Variants in FGF14 observed in about 807,000 individuals in gnomAD.
FGF14 encodes fibroblast growth factor 14.
FGF14 carries 5 observed loss-of-function variants against 25.5 expected under a neutral mutation model. That is an observed-to-expected ratio of 0.20 (90% CI 0.10 to 0.41). The LOEUF (loss-of-function observed/expected upper bound fraction) is 0.41. Among genes scored for constraint, FGF14 ranks in the 10% least tolerant of loss-of-function variants. The probability of loss-of-function intolerance (pLI) is 1.00; values close to 1 mark genes in which losing one functional copy is unlikely to be tolerated. For missense variants in FGF14, 222 were observed against 320.1 expected (o/e 0.69, Z 2.34); for synonymous variants, 138 against 118.3 (o/e 1.17, Z -1.08).
At chr13:102,096,127 A>T (rs533123080) in intron 1 of FGF14, among the ~76,000 whole-genome samples, 1 of 152,064 alleles carries the variant, frequency 6.6e-6, no homozygotes, top group Admixed American at 6.6e-5. Context: ...AAAAGTTATT[A>T]GGTTAAAATA....
At chr13:101,999,557 G>T (rs1037400432) in intron 1 of FGF14, among the ~76,000 whole-genome samples, 1 of 152,026 alleles carries the variant, frequency 6.6e-6, no homozygotes, top group Non-Finnish European at 1.5e-5. Context: ...TTCGGAAATG[G>T]GACAATTACT....
chr13:102,306,698 A>T (rs1364418407), intron 1 of FGF14, among the ~76,000 whole-genome samples: 1 of 152,198 alleles, frequency 6.6e-6, no homozygotes, highest in Admixed American at 6.5e-5. Context: ...AAGAATGAAG[A>T]AAGAAATTAG....
chr13:101,973,358 T>C (rs543563268), intron 1 of FGF14, among the ~76,000 whole-genome samples: 20 of 152,312 alleles, frequency 1.3e-4, no homozygotes, highest in African/African-American at 4.8e-4. Flanking sequence ...TATGAAATAA[T>C]GCAGGTTGGC....
intron 1 of FGF14, among the ~76,000 whole-genome samples, chr13:102,137,898 G>T (rs368643170): frequency 4.8e-4 from 73 of 150,790 alleles, no homozygotes; most frequent in African/African-American, 1.4e-3. Flanking sequence ...CACAGGAGGT[G>T]GGCCTCAGTC....
At chr13:102,041,797 G>C (rs969145208) in intron 1 of FGF14, among the ~76,000 whole-genome samples, 1 of 152,078 alleles carries the variant, frequency 6.6e-6, no homozygotes, top group Non-Finnish European at 1.5e-5. Flanking sequence ...TTGGGAGTGG[G>C]GAGAGAGAAC....
At chr13:101,760,600 T>A (rs1253758022) in intron 3 of FGF14, among the ~76,000 whole-genome samples, 1 of 152,206 alleles carries the variant, frequency 6.6e-6, no homozygotes, top group East Asian at 1.9e-4. Context: ...GCTTTTGGCA[T>A]GTGATACTCT....
chr13:101,916,596 C>T lies in FGF14; in HGVS notation c.50G>A (p.Arg17Gln). The T allele has an allele frequency of 3.8e-6, 6 of 1,593,096 alleles. No individual in the cohort carries two copies. Among genetic ancestry groups the T allele is most frequent in the Non-Finnish European group, 4.3e-6 (5 of 1,170,126 alleles). Residue 17 changes from arginine (R) to glutamine (Q), a missense_variant, in exon 1 of 5, where the codon CGG becomes CAG. Arg to Gln is a conservative substitution (Grantham distance 43). Coordinates refer to ENST00000376143, the MANE Select transcript of FGF14 (RefSeq NM_004115.4). ...SGLIRQKRQAREQHWDRPSAS... is the reference protein window; with the variant it reads ...SGLIRQKRQAQEQHWDRPSAS... Reference sequence around the variant, plus strand: ...AGACGGCCGGTCCCAGTGCTGCTCCCGCGCCTGCCGCTTCTGGCGGATCAA... The same window carrying T: ...AGACGGCCGGTCCCAGTGCTGCTCCTGCGCCTGCCGCTTCTGGCGGATCAA...
At chr13:101,757,992 C>T (rs2037770533) in intron 3 of FGF14, among the ~76,000 whole-genome samples, 1 of 152,146 alleles carries the variant, frequency 6.6e-6, no homozygotes, top group East Asian at 1.9e-4. Context: ...ACTTCTGCAT[C>T]CCATTTAGAA....
At chr13:102,067,232 T>C (rs1201535413) in intron 1 of FGF14, among the ~76,000 whole-genome samples, 3 of 152,208 alleles carry the variant, frequency 2.0e-5, no homozygotes, top group Admixed American at 2.0e-4. Flanking sequence ...TTTATAACTA[T>C]GCGTATTTAG....
intron 1 of FGF14, among the ~76,000 whole-genome samples, chr13:102,396,625 C>T (rs1223343955): frequency 1.3e-5 from 2 of 152,160 alleles, no homozygotes; most frequent in South Asian, 2.1e-4. Context: ...ATAGAATTAG[C>T]TTTAGCACTT....
intron 1 of FGF14, among the ~76,000 whole-genome samples, chr13:102,344,872 A>T (rs941919904): frequency 1.3e-5 from 2 of 152,238 alleles, no homozygotes; most frequent in African/African-American, 4.8e-5. Context: ...ATGGAGCAGC[A>T]TTGGTGCAGG....
chr13:102,159,435 A>G (rs1215886029), intron 1 of FGF14, among the ~76,000 whole-genome samples: 1 of 152,210 alleles, frequency 6.6e-6, no homozygotes, highest in Non-Finnish European at 1.5e-5. Context: ...GACAGATGAT[A>G]GAATTCCTCA....
chr13:102,116,606 G>A (rs1471914300), intron 1 of FGF14, among the ~76,000 whole-genome samples: 2 of 152,146 alleles, frequency 1.3e-5, no homozygotes, highest in Admixed American at 6.5e-5. Context: ...TATGTGAAGT[G>A]CCAGAATGGG....
chr13:101,814,829 C>G (rs1387433593), intron 3 of FGF14, among the ~76,000 whole-genome samples: 2 of 152,124 alleles, frequency 1.3e-5, no homozygotes, highest in Non-Finnish European at 2.9e-5. Flanking sequence ...CAGTGTTGGG[C>G]TTACTATGAA....
chr13:102,343,284 G>T (rs1250648367), intron 1 of FGF14, among the ~76,000 whole-genome samples: 3 of 152,152 alleles, frequency 2.0e-5, no homozygotes, highest in African/African-American at 7.2e-5. Context: ...GTGATGTAAA[G>T]GCAGATTATT....
Position 101,835,622 on chromosome 13 carries a change from C to A in FGF14, c.408+33103G>T, listed in dbSNP as rs564332516. Reference sequence around the variant, plus strand: ...AAGTCCTAACGTGCAGTGCTAACCCCCCTAAACAGGACATGTGGAGGGTCT... The same window carrying A: ...AAGTCCTAACGTGCAGTGCTAACCCACCTAAACAGGACATGTGGAGGGTCT... On this transcript the variant is annotated intron_variant, in intron 3 of 4. Transcript: ENST00000376143. Among the ~76,000 whole-genome samples the A allele has an allele frequency of 3.3e-5, 5 of 152,042 alleles. No individual in the cohort carries two copies. In the South Asian group the frequency reaches 1.0e-3, roughly 32 times the overall value.
At chr13:102,356,442 T>G (rs1444954183) in intron 1 of FGF14, among the ~76,000 whole-genome samples, 3 of 152,214 alleles carry the variant, frequency 2.0e-5, no homozygotes, top group Non-Finnish European at 4.4e-5. Context: ...AATGCCTACC[T>G]CTTGCCTGAC....
intron 3 of FGF14, among the ~76,000 whole-genome samples, chr13:101,812,594 T>A (rs2140187636): frequency 7.4e-6 from 1 of 134,592 alleles, no homozygotes; most frequent in African/African-American, 2.7e-5. Flanking sequence ...TATCACTATT[T>A]TTTTATATTT....
upstream of FGF14, among the ~76,000 whole-genome samples, chr13:101,918,846 G>A (rs556452384): frequency 1.1e-4 from 16 of 152,226 alleles, no homozygotes; most frequent in South Asian, 3.3e-3. Context: ...GTGTACTTCT[G>A]GAAGTTTATT....
Sources: gnomAD v4.1 joint callset for allele counts (sites outside exome capture counted in the v4.1 genomes callset) on GRCh38, gnomAD v4.1.1 for gene constraint, MANE v1.5 for transcripts, NCBI Gene and HGNC (gene_info 2026-07-23, HGNC 2026-07-21) for gene names.